Variants in ACADM observed in about 807,000 individuals in gnomAD.
The protein encoded by ACADM is medium-chain specific acyl-CoA dehydrogenase, mitochondrial.
Under a neutral mutation model 58.9 loss-of-function variants are expected in ACADM, and 49 were observed. That is an observed-to-expected ratio of 0.83 (90% CI 0.66 to 1.06). The LOEUF is 1.06. ACADM is among the 50% of genes least tolerant of loss of function. The pLI, the probability that ACADM is intolerant of heterozygous loss-of-function variation, is 0.00. For synonymous variants in ACADM, 160 were observed against 157.7 expected (o/e 1.01, Z -0.11); for missense variants, 496 against 507.0 (o/e 0.98, Z 0.21).
At chr1:75,757,531 G>T (rs567635528) in intron 10 of ACADM, among the ~76,000 whole-genome samples, 2 of 152,096 alleles carry the variant, frequency 1.3e-5, no homozygotes, top group African/African-American at 2.4e-5. Context: ...ATTTAGAATG[G>T]CAATCATTAA....
intron 10 of ACADM, among the ~76,000 whole-genome samples, chr1:75,756,632 T>C (rs375502386): frequency 3.3e-5 from 5 of 152,108 alleles, no homozygotes; most frequent in Non-Finnish European, 5.9e-5. Flanking sequence ...AATGGCCATA[T>C]TGCCCAAGGT....
chr1:75,749,612 AT>A lies in ACADM; in HGVS notation c.849+54del. 3 of 1,498,202 alleles carry A rather than the reference AT, an allele frequency of 2.0e-6. No homozygotes were observed. The Admixed American group carries it at 5.4e-5, about 27-fold the overall frequency. 92.8% of individuals were successfully genotyped at this position (1,498,202 alleles called of 1,614,324 possible). ...TAGGATCTTTTATTTATTACATTAA[AT>A]AAGTATTTTTACTTTAAAATTGTAT... is the stretch of plus-strand genomic sequence containing the variant. On this transcript the variant is annotated intron_variant, in intron 9 of 11. Coordinates refer to ENST00000370841, the MANE Select transcript of ACADM (RefSeq NM_000016.6).
chr1:75,758,416 A>G (rs1648628792), intron 10 of ACADM, among the ~76,000 whole-genome samples: 1 of 152,162 alleles, frequency 6.6e-6, no homozygotes, highest in Admixed American at 6.5e-5. Flanking sequence ...GTGCAGGGTA[A>G]GGTATGAGGG....
In ACADM at chr1:75,763,348, T is replaced by G. The variant is rs1008789108; in HGVS notation, c.*585T>G. On this transcript the variant is annotated 3_prime_UTR_variant, in exon 12 of 12. Coordinates refer to ENST00000370841, the MANE Select transcript of ACADM (RefSeq NM_000016.6). ...ATTCTGAGCCCATATTTCACTTACCTTATTTAAAATAAATCAATAAAGCTT... is the reference window on the plus strand; with the variant it reads ...ATTCTGAGCCCATATTTCACTTACCGTATTTAAAATAAATCAATAAAGCTT... 6.6e-5 allele frequency: 10 copies of G among 152,380 alleles called. No individual in the cohort carries two copies. The highest frequency in any genetic ancestry group is 2.4e-4 in the African/African-American group (10 of 41,582). 9.4% of individuals were successfully genotyped at this position (152,380 alleles called of 1,614,324 possible).
intron 10 of ACADM, among the ~76,000 whole-genome samples, chr1:75,759,654 T>G (rs1330898200): frequency 7.6e-6 from 1 of 131,478 alleles, no homozygotes; most frequent in Non-Finnish European, 1.6e-5. Context: ...TGTAGCAACT[T>G]TCTTTTTTTT....
chr1:75,751,271 C>G (rs139388983), intron 10 of ACADM, among the ~76,000 whole-genome samples: 40,373 of 150,866 alleles, frequency 0.27, 5,620 homozygotes, highest in Middle Eastern at 0.36. Flanking sequence ...ACCCAGGAGG[C>G]AGAGCTTGCA....
chr1:75,749,224 G>C (rs1018758253), intron 8 of ACADM, among the ~76,000 whole-genome samples, 195 bp from the exon 9 acceptor site: 1 of 152,186 alleles, frequency 6.6e-6, no homozygotes, highest in African/African-American at 2.4e-5. Context: ...TAGCAAGAAA[G>C]TAACTGTAGA....
At chr1:75,738,223 G>GCTA (rs1647377870) in intron 6 of ACADM, among the ~76,000 whole-genome samples, 1 of 149,040 alleles carries the variant, frequency 6.7e-6, no homozygotes, top group African/African-American at 2.5e-5. Flanking sequence ...GCCAAGTATT[G>GCTA]TTATTATTTT....
intron 10 of ACADM, among the ~76,000 whole-genome samples, chr1:75,759,571 C>CT (rs1648705337): frequency 6.6e-6 from 1 of 151,364 alleles, no homozygotes; most frequent in African/African-American, 2.4e-5. Flanking sequence ...CCTCTAGAGT[C>CT]TAAGAAGCAT....
chr1:75,737,281 T>TTATATATAC (rs1647306293), intron 6 of ACADM, among the ~76,000 whole-genome samples: 1 of 20,108 alleles, frequency 5.0e-5, no homozygotes, highest in African/African-American at 1.1e-4. Context: ...CACACACAAA[T>TTATATATAC]ATATATATAT....
intron 7 of ACADM, among the ~76,000 whole-genome samples, chr1:75,740,351 T>C (rs1647500164): frequency 6.6e-6 from 1 of 152,180 alleles, no homozygotes; most frequent in Non-Finnish European, 1.5e-5. Flanking sequence ...CGTGCTCTGT[T>C]TGAATCTGAT....
chr1:75,760,759 A>G (rs951811545), intron 10 of ACADM, among the ~76,000 whole-genome samples: 1 of 152,132 alleles, frequency 6.6e-6, no homozygotes, highest in African/African-American at 2.4e-5. Flanking sequence ...AGAAAACTTG[A>G]CCAGATTTGA....
Position 75,724,747 on chromosome 1 carries a change from AC to A in ACADM, c.-38del. On this transcript the variant is annotated 5_prime_UTR_variant, in exon 1 of 12. Transcript: ENST00000370841. ...GTTCGGGGAGTATGTCAAGGCCGTG[AC>A]CCGTGTATTATTGTCCGAGTGGCCG... The A allele has an allele frequency of 6.5e-7, 1 of 1,541,868 alleles. No homozygotes were observed. Among genetic ancestry groups the A allele is most frequent in the East Asian group, 2.6e-5 (1 of 38,434 alleles).
intron 11 of ACADM, among the ~76,000 whole-genome samples, chr1:75,762,452 ACT>A (rs1648905834): frequency 6.6e-6 from 1 of 151,990 alleles, no homozygotes; most frequent in African/African-American, 2.4e-5. Flanking sequence ...TATTTTGAAG[ACT>A]CTTCTCCAAA....
intron 10 of ACADM, 132 bp downstream of exon 10, chr1:75,750,678 G>C (rs1177682343): frequency 8.2e-6 from 6 of 734,928 alleles, no homozygotes; most frequent in Admixed American, 2.0e-5. Context: ...GTTTTATCAA[G>C]ATGAGTTTCA....
chr1:75,734,440 G>C (rs1433340092), intron 5 of ACADM, among the ~76,000 whole-genome samples: 3 of 151,512 alleles, frequency 2.0e-5, no homozygotes, highest in African/African-American at 7.3e-5. Flanking sequence ...CTCCCAAAGT[G>C]CTGGGATTAC....
intron 8 of ACADM, among the ~76,000 whole-genome samples, chr1:75,747,849 G>C (rs920429656): frequency 6.6e-6 from 1 of 152,150 alleles, no homozygotes; most frequent in Non-Finnish European, 1.5e-5. Flanking sequence ...GAAGCATTTT[G>C]GTTTTAAATG....
At chr1:75,743,702 A>G (rs1219863204) in intron 7 of ACADM, 1 of 1,494,616 alleles carries the variant, frequency 6.7e-7, no homozygotes, top group Non-Finnish European at 9.3e-7. Context: ...TCAATGGCAA[A>G]TTCATTCTTT....
chr1:75,744,634 A>G (rs771086921), intron 7 of ACADM: 22 of 1,014,160 alleles, frequency 2.2e-5, no homozygotes, highest in Non-Finnish European at 3.3e-5. Context: ...GTTAATGACA[A>G]CCTTCCTGCT....
Sources: allele counts gnomAD v4.1 joint callset (sites outside exome capture counted in the v4.1 genomes callset), GRCh38; gene constraint gnomAD v4.1.1; transcripts MANE v1.5; gene names NCBI Gene and HGNC (gene_info 2026-07-23, HGNC 2026-07-21).